Variants in PRKG1 observed in about 807,000 individuals in gnomAD.
PRKG1 encodes cGMP-dependent protein kinase 1.
PRKG1 carries 35 observed loss-of-function variants against 88.1 expected under a neutral mutation model. That is an observed-to-expected ratio of 0.40 (90% confidence interval 0.30 to 0.53). The LOEUF is 0.53. Among genes scored for constraint, PRKG1 ranks in the 20% least tolerant of loss-of-function variants. The probability of loss-of-function intolerance (pLI) is 0.59; values close to 1 mark genes in which losing one functional copy is unlikely to be tolerated. For synonymous variants in PRKG1, 303 were observed against 292.5 expected, an observed-to-expected ratio of 1.04 and a Z score of -0.37; for missense variants, 540 against 839.8, an observed-to-expected ratio of 0.64 and a Z score of 4.41.
intron 1 of PRKG1, among the ~76,000 whole-genome samples, chr10:51,044,086 A>G (rs1441476468): frequency 6.6e-6 from 1 of 152,224 alleles, no homozygotes; most frequent in Non-Finnish European, 1.5e-5. Context: ...TCAAAGTCAC[A>G]AAGTTGAAGT....
chr10:52,144,469 A>G (rs10824127), intron 8 of PRKG1, among the ~76,000 whole-genome samples: 37,213 of 152,120 alleles, frequency 0.24, 4,890 homozygotes, highest in East Asian at 0.4. Flanking sequence ...CTTTTAAGAT[A>G]CTGCTGCAGT....
chr10:51,065,405 GA>G (rs1045998852), intron 1 of PRKG1, among the ~76,000 whole-genome samples: 7 of 150,714 alleles, frequency 4.6e-5, no homozygotes, highest in African/African-American at 1.7e-4. Flanking sequence ...TTATTTCCTA[GA>G]AAAAAAAATC....
chr10:51,592,558 T>A (rs996370180), intron 3 of PRKG1, among the ~76,000 whole-genome samples: 6 of 152,160 alleles, frequency 3.9e-5, no homozygotes, highest in Non-Finnish European at 7.3e-5. Flanking sequence ...GATCAGGGTC[T>A]CTGAGAGGAT....
chr10:51,817,348 C>G (rs1029503704), intron 4 of PRKG1, among the ~76,000 whole-genome samples: 6 of 36,844 alleles, frequency 1.6e-4, no homozygotes, highest in African/African-American at 2.7e-4. Context: ...CCCTCCCCAA[C>G]CCCCCCCCTC....
At chr10:51,436,600 G>A (rs147139959) in intron 2 of PRKG1, among the ~76,000 whole-genome samples, 171 of 152,152 alleles carry the variant, frequency 1.1e-3, no homozygotes, top group Non-Finnish European at 2.1e-3. Context: ...AAAGGGAACA[G>A]AGGGACTGAG....
At chr10:51,082,373 A>T (rs1386531525) in intron 1 of PRKG1, among the ~76,000 whole-genome samples, 2 of 152,212 alleles carry the variant, frequency 1.3e-5, no homozygotes, top group Admixed American at 6.5e-5. Flanking sequence ...TAGTGGAAGA[A>T]ATAATGTAGG....
At chr10:51,077,110 C>A (rs1216112290) in intron 1 of PRKG1, among the ~76,000 whole-genome samples, 1 of 152,066 alleles carries the variant, frequency 6.6e-6, no homozygotes, top group Non-Finnish European at 1.5e-5. Flanking sequence ...ACATTGTATG[C>A]AAAATGAATA....
At chr10:51,261,007 G>C (rs987631389) in intron 2 of PRKG1, among the ~76,000 whole-genome samples, 1 of 152,108 alleles carries the variant, frequency 6.6e-6, no homozygotes, top group Non-Finnish European at 1.5e-5. Context: ...ATATATAAGC[G>C]TGATGTGGCA....
At chr10:51,458,542 A>G (rs1839655851) in intron 2 of PRKG1, among the ~76,000 whole-genome samples, 2 of 152,188 alleles carry the variant, frequency 1.3e-5, no homozygotes, top group East Asian at 3.9e-4. Flanking sequence ...TTTCACATAA[A>G]TTTTATATAT....
At chr10:52,082,096 C>T (rs567549065) in intron 7 of PRKG1, among the ~76,000 whole-genome samples, 7 of 152,106 alleles carry the variant, frequency 4.6e-5, no homozygotes, top group South Asian at 2.1e-4. Flanking sequence ...CACATGAAGG[C>T]GGCAAGAAGA....
chr10:51,908,734 A>ATATATTTTT lies in PRKG1; in HGVS notation c.762+1165_762+1166insATATTTTTT, dbSNP rs563212069. 219 of 52,192 alleles carry ATATATTTTT rather than the reference A, an allele frequency of 4.2e-3. 2 individuals are homozygous for ATATATTTTT. Among genetic ancestry groups the ATATATTTTT allele is most frequent in the Middle Eastern group, 0.02 (2 of 100 alleles). 3.2% of individuals were successfully genotyped at this position (52,192 alleles called of 1,614,324 possible). Reference sequence around the variant, plus strand: ...CTCTCTGTCTATCTATCTATATGTAATTTTTTTTTTTTTGAGACAGTGTCT... The same window carrying ATATATTTTT: ...CTCTCTGTCTATCTATCTATATGTAATATATTTTTTTTTTTTTTTTTTGAGACAGTGTCT... On this transcript the variant is annotated intron_variant, in intron 5 of 17. Transcript: ENST00000373980.
intron 9 of PRKG1, among the ~76,000 whole-genome samples, chr10:52,182,992 T>C (rs1469140465): frequency 1.3e-5 from 2 of 152,116 alleles, no homozygotes; most frequent in Admixed American, 6.6e-5. Context: ...TTTTATATGA[T>C]GAGAGAGGGA....
At chr10:51,733,385 G>T (rs1837170019) in intron 3 of PRKG1, among the ~76,000 whole-genome samples, 1 of 152,126 alleles carries the variant, frequency 6.6e-6, no homozygotes, top group Non-Finnish European at 1.5e-5. Flanking sequence ...GTTTTCCACA[G>T]GATTCTTCTT....
intron 5 of PRKG1, among the ~76,000 whole-genome samples, chr10:51,948,516 GT>G (rs1197234272): frequency 1.7e-5 from 2 of 118,602 alleles, no homozygotes; most frequent in Non-Finnish European, 3.3e-5. Context: ...TGAAACTTGT[GT>G]GTGTCTCTGT....
chr10:51,619,374 G>A (rs969167710), intron 3 of PRKG1, among the ~76,000 whole-genome samples: 1 of 152,162 alleles, frequency 6.6e-6, no homozygotes, highest in African/African-American at 2.4e-5. Context: ...GCTCTATGAA[G>A]GAGGTTTTCA....
At chr10:52,128,099 T>G in intron 7 of PRKG1, 1 of 985,302 alleles carries the variant, frequency 1.0e-6, no homozygotes, top group Non-Finnish European at 1.2e-6. Context: ...AGAATTTGCT[T>G]TGTGCTGTGT....
At chr10:51,078,598 T>G (rs1193951317) in intron 1 of PRKG1, among the ~76,000 whole-genome samples, 2 of 135,196 alleles carry the variant, frequency 1.5e-5, no homozygotes, top group Admixed American at 7.3e-5. Flanking sequence ...TTATATTTAT[T>G]TATTTATTTA....
chr10:51,788,352 A>G (rs1368622699), intron 3 of PRKG1, among the ~76,000 whole-genome samples: 1 of 152,184 alleles, frequency 6.6e-6, no homozygotes, highest in Non-Finnish European at 1.5e-5. Flanking sequence ...TAGAAAAATC[A>G]CAAGAAGGAA....
intron 9 of PRKG1, among the ~76,000 whole-genome samples, chr10:52,230,001 G>A (rs1235577059): frequency 6.6e-6 from 1 of 151,852 alleles, no homozygotes; most frequent in Non-Finnish European, 1.5e-5. Context: ...ATACAATATG[G>A]TTCAGAAATT....
Sources: allele counts gnomAD v4.1 joint callset (sites outside exome capture counted in the v4.1 genomes callset), GRCh38; gene constraint gnomAD v4.1.1; transcripts MANE v1.5; gene names NCBI Gene and HGNC (gene_info 2026-07-23, HGNC 2026-07-21).